Variants in SH2B2 observed in about 807,000 individuals in gnomAD.
SH2B2 encodes SH2B adaptor protein 2, also known as SH2B adapter protein 2.
A neutral mutation model predicts 35.7 loss-of-function variants in SH2B2; 37 were observed. The observed-to-expected ratio is 1.04, with a 90% CI of 0.80 to 1.36. The LOEUF is 1.36. Ranked by LOEUF, SH2B2 falls within the 40% of genes most tolerant of loss-of-function variation. The probability of loss-of-function intolerance (pLI) is 0.00; values close to 1 mark genes in which losing one functional copy is unlikely to be tolerated. For missense variants in SH2B2, 852 were observed against 817.7 expected (o/e 1.04, Z -0.51); for synonymous variants, 383 against 376.4 (o/e 1.02, Z -0.20).
intron 1 of SH2B2, among the ~76,000 whole-genome samples, chr7:102,294,396 G>A (rs1355749308): frequency 3.3e-5 from 5 of 152,150 alleles, no homozygotes; most frequent in African/African-American, 1.2e-4. Context: ...AAAGTCCCTA[G>A]AGAGGGCTTG....
intron 1 of SH2B2, among the ~76,000 whole-genome samples, chr7:102,299,631 C>T (rs541773979): frequency 2.4e-4 from 37 of 152,256 alleles, no homozygotes; most frequent in African/African-American, 8.7e-4. Flanking sequence ...AATCCCAGGA[C>T]GGCAGCCTGG....
chr7:102,313,917 A>C (rs1793719029), intron 4 of SH2B2, among the ~76,000 whole-genome samples: 1 of 152,168 alleles, frequency 6.6e-6, no homozygotes, highest in Non-Finnish European at 1.5e-5. Flanking sequence ...TCTCAAAAAA[A>C]AAAAAAGAAT....
chr7:102,290,332 GCTCCCTGCAA>G (rs1792629010), intron 1 of SH2B2, among the ~76,000 whole-genome samples: 819 of 5,256 alleles, frequency 0.16, 13 homozygotes, highest in African/African-American at 0.41. Context: ...TGCAACCTCC[GCTCCCTGCAA>G]CCTCCACCAC....
intron 8 of SH2B2, among the ~76,000 whole-genome samples, chr7:102,320,920 TG>T (rs1554558308): frequency 6.6e-6 from 1 of 152,020 alleles, no homozygotes; most frequent in Non-Finnish European, 1.5e-5. Flanking sequence ...TGCTTGTGTG[TG>T]TGCATGAGTG....
chr7:102,315,783 G>GGGAGGGA (rs1793808576), intron 6 of SH2B2, among the ~76,000 whole-genome samples: 1 of 149,436 alleles, frequency 6.7e-6, no homozygotes, highest in South Asian at 2.1e-4. Flanking sequence ...GAAGAAAGGA[G>GGGAGGGA]GGAGGGAGGG....
chr7:102,321,282 C>T lies in SH2B2; in HGVS notation c.1568-17C>T. On this transcript the variant is annotated splice_polypyrimidine_tract_variant and intron_variant, in intron 8 of 8. Transcript: ENST00000444095. Reference sequence around the variant, plus strand: ...AGCCCAGGTCCCCACTCACGCCCTGCCGTCGCCTTGTTGCAGAGCCGGGCC... The same window carrying T: ...AGCCCAGGTCCCCACTCACGCCCTGTCGTCGCCTTGTTGCAGAGCCGGGCC... 7.3e-7 allele frequency: 1 copy of T among 1,367,376 alleles called. No individual in the cohort carries two copies. The highest frequency in any genetic ancestry group is 9.4e-7 in the Non-Finnish European group (1 of 1,066,634). 84.7% of individuals were successfully genotyped at this position (1,367,376 alleles called of 1,614,324 possible).
In SH2B2 at chr7:102,317,183, T is replaced by C. The variant is rs1554557161; in HGVS notation, c.1187-4T>C. ...TGTTCCTCACACTGTCATCCCCACC[T>C]CAGGGGAACAGGGTGCAGAGACGGA... is the stretch of plus-strand genomic sequence containing the variant. On this transcript the variant is annotated splice_region_variant and splice_polypyrimidine_tract_variant and intron_variant, in intron 6 of 8. Coordinates refer to ENST00000444095, the MANE Select transcript of SH2B2 (RefSeq NM_001359228.2). 1.3e-6 allele frequency: 2 copies of C among 1,588,298 alleles called. No homozygotes were observed. Among genetic ancestry groups the C allele is most frequent in the South Asian group, 1.1e-5 (1 of 87,762 alleles).
At chr7:102,298,259 TTTTTGTTTTTG>T (rs1793000806) in intron 1 of SH2B2, among the ~76,000 whole-genome samples, 1 of 152,014 alleles carries the variant, frequency 6.6e-6, no homozygotes, top group South Asian at 2.1e-4. Flanking sequence ...TGGTTTTGGG[TTTTTGTTTTTG>T]TTTTGTTTTG....
chr7:102,300,931 C>G lies in SH2B2; in HGVS notation c.381C>G (p.Thr127=), dbSNP rs1554553630. The G allele has an allele frequency of 8.7e-6, 13 of 1,488,092 alleles. No homozygotes were observed. The Admixed American group carries it at 2.6e-4, about 30-fold the overall frequency. The allele number at this position is 1,488,092 out of a possible 1,614,324, so 92.2% of individuals were successfully genotyped here. The stretch of plus-strand genomic sequence containing the variant: ...AGGACGTGTCCACGCACGCGGCCAC[C>G]AAGGCCCGCGTTCGCAAGGGCTTCT... ...SSEDVSTHAA[T]KARVRKGFSL... The change falls in exon 2 of 9, where the codon ACC becomes ACG. Residue 127 remains threonine (T), a synonymous_variant. Coordinates refer to ENST00000444095, the MANE Select transcript of SH2B2 (RefSeq NM_001359228.2).
At chr7:102,310,729 T>G (rs1353204001) in intron 4 of SH2B2, among the ~76,000 whole-genome samples, 2 of 152,218 alleles carry the variant, frequency 1.3e-5, no homozygotes, top group African/African-American at 4.8e-5. Flanking sequence ...ACAAAGTGAT[T>G]GTAATCCCTC....
intron 1 of SH2B2, among the ~76,000 whole-genome samples, chr7:102,294,063 C>G (rs1792807403): frequency 2.0e-5 from 3 of 152,208 alleles, no homozygotes; most frequent in Non-Finnish European, 2.9e-5. Flanking sequence ...CAGAGTCTCG[C>G]TCTGTTGCCC....
intron 6 of SH2B2, among the ~76,000 whole-genome samples, chr7:102,316,413 C>T (rs1793829951): frequency 6.6e-6 from 1 of 151,194 alleles, no homozygotes; most frequent in African/African-American, 2.4e-5. Flanking sequence ...ATGGTGAAAC[C>T]CTGTCTCTAC....
rs782651622 is a variant in SH2B2 at position 102,320,492 on chromosome 7, C to T, written c.1557C>T (p.Asp519=). ...TTCGCAGCTATGTGCGGGCCCAGGA[C>T]CCCCCACCAGGTAAGATGCCGCCAC... ...ITLRSYVRAQ[D]PPPEPGPTPP... is the part of the protein sequence containing the mutation. Residue 519 remains aspartate (D), a synonymous_variant, in exon 8 of 9, where the codon GAC becomes GAT. Coordinates refer to ENST00000444095, the MANE Select transcript of SH2B2 (RefSeq NM_001359228.2). The T allele has an allele frequency of 6.2e-7, 1 of 1,611,932 alleles. No homozygotes were observed. The highest frequency in any genetic ancestry group is 1.1e-5 in the South Asian group (1 of 91,032).
At chr7:102,316,147 C>T (rs886732676) in intron 6 of SH2B2, among the ~76,000 whole-genome samples, 1 of 151,826 alleles carries the variant, frequency 6.6e-6, no homozygotes, top group Admixed American at 6.6e-5. Context: ...CATTGTGGCA[C>T]AGGCTTATAG....
At chr7:102,314,744 T>C in intron 6 of SH2B2, 62 bp downstream of exon 6, 1 of 398,682 alleles carries the variant, frequency 2.5e-6, no homozygotes, top group Non-Finnish European at 4.4e-6. Context: ...CCCCCAGCCA[T>C]GGCCACCCAT....
rs538477458 is a variant in SH2B2 at position 102,303,204 on chromosome 7, C to G, written c.729+1925C>G. ...TGCACTCCAGCCTGGGCAGCAAGAGCGAAACTCTGTCTCAAAAAAAAAAAA... is the reference window on the plus strand; with the variant it reads ...TGCACTCCAGCCTGGGCAGCAAGAGGGAAACTCTGTCTCAAAAAAAAAAAA... On this transcript the variant is annotated intron_variant, in intron 2 of 8. Transcript: ENST00000444095. Among the ~76,000 whole-genome samples, 30 of 149,616 alleles carry G rather than the reference C, an allele frequency of 2.0e-4. No homozygotes were observed. The South Asian group carries it at 6.4e-3, about 32-fold the overall frequency.
chr7:102,314,796 T>C (rs1400492676), intron 6 of SH2B2, 114 bp downstream of exon 6: 25 of 397,824 alleles, frequency 6.3e-5, no homozygotes, highest in African/African-American at 4.7e-4. Flanking sequence ...CTGTGACATC[T>C]CATCCTCCTG....
chr7:102,292,777 A>C (rs1792724722), intron 1 of SH2B2, among the ~76,000 whole-genome samples: 2 of 152,202 alleles, frequency 1.3e-5, no homozygotes, highest in South Asian at 4.1e-4. Flanking sequence ...ACCCCAGGAC[A>C]TAGGAGAGAA....
intron 1 of SH2B2, among the ~76,000 whole-genome samples, chr7:102,288,539 T>C (rs1344455383): frequency 6.6e-6 from 1 of 151,982 alleles, no homozygotes; most frequent in East Asian, 1.9e-4. Flanking sequence ...TTGTGAAAAA[T>C]CTGTCTGAAG....
Sources: allele counts gnomAD v4.1 joint callset (sites outside exome capture counted in the v4.1 genomes callset), GRCh38; gene constraint gnomAD v4.1.1; transcripts MANE v1.5; gene names NCBI Gene and HGNC (gene_info 2026-07-23, HGNC 2026-07-21).